The following BNC2 variants were observed in gnomAD, a reference collection of about 807,000 sequenced individuals.
BNC2 encodes zinc finger protein basonuclin-2.
In BNC2, 20 loss-of-function variants were observed where a neutral mutation model predicts 76.3. That is an observed-to-expected ratio of 0.26 (90% CI 0.18 to 0.38). The LOEUF (loss-of-function observed/expected upper bound fraction) is 0.38, where lower values mean the gene tolerates loss of function less well. Ranked by LOEUF, BNC2 falls within the 10% of genes least tolerant of loss-of-function variation. The probability of loss-of-function intolerance (pLI) is 1.00; values close to 1 mark genes in which losing one functional copy is unlikely to be tolerated. For missense variants in BNC2, 1,382 were observed against 1,399.8 expected, an observed-to-expected ratio of 0.99 and a Z score of 0.20; for synonymous variants, 582 against 514.8, an observed-to-expected ratio of 1.13 and a Z score of -1.77.
chr9:16,425,459 A>G (rs1000154123), intron 6 of BNC2, among the ~76,000 whole-genome samples: 3 of 152,182 alleles, frequency 2.0e-5, no homozygotes, highest in African/African-American at 7.2e-5. Context: ...TGACAGTCTC[A>G]TCTTGTCAAC....
At chr9:16,637,722 C>T (rs1046931786) in intron 3 of BNC2, among the ~76,000 whole-genome samples, 3 of 152,150 alleles carry the variant, frequency 2.0e-5, no homozygotes, top group Admixed American at 2.0e-4. Context: ...GCAAAGCAGG[C>T]CTCACCTGGG....
intron 1 of BNC2, among the ~76,000 whole-genome samples, chr9:16,788,320 A>G (rs10810630): frequency 0.041 from 6,164 of 151,694 alleles, 379 homozygotes; most frequent in East Asian, 0.32. Context: ...CTGGGAGGCC[A>G]AGGTGGGCAG....
At chr9:16,638,601 G>A (rs1280037083) in intron 3 of BNC2, among the ~76,000 whole-genome samples, 2 of 151,812 alleles carry the variant, frequency 1.3e-5, no homozygotes, top group Admixed American at 6.6e-5. Context: ...CTAATTACCT[G>A]TAAAACCCTT....
intron 5 of BNC2, among the ~76,000 whole-genome samples, chr9:16,484,902 T>A (rs901243620): frequency 6.6e-6 from 1 of 152,194 alleles, no homozygotes; most frequent in African/African-American, 2.4e-5. Context: ...AGGCATTGTT[T>A]TACACATCCA....
intron 2 of BNC2, among the ~76,000 whole-genome samples, chr9:16,735,558 G>C (rs368924590): frequency 1.3e-5 from 2 of 152,070 alleles, no homozygotes; most frequent in African/African-American, 4.8e-5. Flanking sequence ...GTGCAGTGCC[G>C]TGATCTCGGG....
intron 6 of BNC2, 26 bp from the exon 7 acceptor site, chr9:16,419,675 G>C (rs762845447): frequency 2.1e-6 from 1 of 478,812 alleles, no homozygotes; most frequent in Admixed American, 2.5e-5. Flanking sequence ...GGAAGGGGGG[G>C]TACGTGGATG....
At chr9:16,438,799 G>A (rs574319832) in intron 5 of BNC2, among the ~76,000 whole-genome samples, 6 of 152,164 alleles carry the variant, frequency 3.9e-5, no homozygotes, top group South Asian at 2.1e-4. Context: ...GGTGATCGAC[G>A]TTACCACCGT....
At chr9:16,493,654 T>C (rs1418379689) in intron 5 of BNC2, among the ~76,000 whole-genome samples, 2 of 152,158 alleles carry the variant, frequency 1.3e-5, no homozygotes, top group African/African-American at 4.8e-5. Flanking sequence ...AAGGAGCTTA[T>C]GTGGTTTAAT....
intron 1 of BNC2, among the ~76,000 whole-genome samples, chr9:16,864,840 C>T (rs915802415): frequency 6.6e-6 from 1 of 151,644 alleles, no homozygotes; most frequent in African/African-American, 2.4e-5. Flanking sequence ...GCTGCACAGA[C>T]ACTAATGAAA....
intron 4 of BNC2, among the ~76,000 whole-genome samples, chr9:16,575,905 C>G (rs1819471356): frequency 1.3e-5 from 2 of 152,222 alleles, no homozygotes; most frequent in Admixed American, 1.3e-4. Context: ...CATTTACAAT[C>G]TGGAAAAACT....
chr9:16,647,551 G>A (rs933178847), intron 3 of BNC2, among the ~76,000 whole-genome samples: 2 of 152,212 alleles, frequency 1.3e-5, no homozygotes, highest in Non-Finnish European at 2.9e-5. Context: ...TTCCCCTAGG[G>A]TGACGCTTCT....
intron 5 of BNC2, among the ~76,000 whole-genome samples, chr9:16,463,294 CTT>C (rs34855187): frequency 5.7e-5 from 6 of 105,640 alleles, no homozygotes; most frequent in African/African-American, 8.5e-5. Context: ...GTATTAAATT[CTT>C]TTTTTTTTTT....
At chr9:16,741,103 T>C (rs1164849194) in intron 1 of BNC2, among the ~76,000 whole-genome samples, 1 of 152,086 alleles carries the variant, frequency 6.6e-6, no homozygotes, top group Admixed American at 6.5e-5. Flanking sequence ...GATGGGGCTA[T>C]CTGCTAAGGG....
chr9:16,509,531 C>T (rs150375276), intron 5 of BNC2, among the ~76,000 whole-genome samples: 66 of 152,230 alleles, frequency 4.3e-4, no homozygotes, highest in East Asian at 3.7e-3. Context: ...AAGAAACAAC[C>T]GACTCCTCTG....
chr9:16,728,579 C>T (rs1301812018), intron 2 of BNC2, among the ~76,000 whole-genome samples: 1 of 151,310 alleles, frequency 6.6e-6, no homozygotes, highest in Non-Finnish European at 1.5e-5. Context: ...AAATATTCAG[C>T]TGTAAGAGAA....
intron 3 of BNC2, among the ~76,000 whole-genome samples, chr9:16,606,744 G>C (rs574389857): frequency 6.6e-6 from 1 of 152,258 alleles, no homozygotes; most frequent in Non-Finnish European, 1.5e-5. Flanking sequence ...TTTTAGCAGA[G>C]ACGAGGTTTC....
intron 5 of BNC2, among the ~76,000 whole-genome samples, chr9:16,438,533 C>T (rs958717312): frequency 4.6e-5 from 7 of 152,082 alleles, no homozygotes; most frequent in South Asian, 2.1e-4. Flanking sequence ...TAATGTCAGG[C>T]GATCCATTTC....
intron 1 of BNC2, among the ~76,000 whole-genome samples, chr9:16,825,055 C>A (rs370924709): frequency 8.3e-6 from 1 of 120,472 alleles, no homozygotes; most frequent in Non-Finnish European, 1.8e-5. Flanking sequence ...TTTTTTTTTT[C>A]TTTCTGTAAA....
intron 1 of BNC2, among the ~76,000 whole-genome samples, chr9:16,857,042 CAT>C (rs1235638016): frequency 1.1e-4 from 16 of 152,080 alleles, no homozygotes; most frequent in Admixed American, 9.8e-4. Flanking sequence ...CATCTAAACA[CAT>C]GTCAAAATAC....
Sources: gnomAD v4.1 joint callset for allele counts (sites outside exome capture counted in the v4.1 genomes callset) on GRCh38, gnomAD v4.1.1 for gene constraint, MANE v1.5 for transcripts, NCBI Gene and HGNC (gene_info 2026-07-23, HGNC 2026-07-21) for gene names.